PTPRM: variants seen among roughly 807,000 people sequenced by gnomAD.
PTPRM encodes receptor-type tyrosine-protein phosphatase mu.
PTPRM carries 47 observed loss-of-function variants against 186.7 expected under a neutral mutation model. The observed-to-expected ratio is 0.25, with a 90% CI of 0.20 to 0.32. PTPRM has a LOEUF of 0.32. PTPRM is among the 10% of genes least tolerant of loss of function. The pLI, the probability that PTPRM is intolerant of heterozygous loss-of-function variation, is 1.00. For synonymous variants in PTPRM, 668 were observed against 674.9 expected, an observed-to-expected ratio of 0.99 and a Z score of 0.16; for missense variants, 1,494 against 1,865.0, an observed-to-expected ratio of 0.80 and a Z score of 3.66.
intron 20 of PTPRM, among the ~76,000 whole-genome samples, chr18:8,300,586 A>G (rs2095146048): frequency 1.3e-5 from 2 of 150,862 alleles, no homozygotes; most frequent in Non-Finnish European, 2.9e-5. Context: ...CCTGCTCCTT[A>G]CTAGTGAGCA....
chr18:7,696,568 A>C (rs1027353251), intron 1 of PTPRM, among the ~76,000 whole-genome samples: 2 of 152,232 alleles, frequency 1.3e-5, no homozygotes, highest in African/African-American at 4.8e-5. Context: ...ACTTATGTGC[A>C]TTCTGAGTAT....
At chr18:7,916,299 G>A (rs1485952184) in intron 4 of PTPRM, among the ~76,000 whole-genome samples, 1 of 152,164 alleles carries the variant, frequency 6.6e-6, no homozygotes, top group East Asian at 1.9e-4. Context: ...GCGTACCATA[G>A]ATGAACACAC....
At chr18:8,126,055 A>G (rs2092355088) in intron 13 of PTPRM, among the ~76,000 whole-genome samples, 1 of 130,614 alleles carries the variant, frequency 7.7e-6, no homozygotes, top group Non-Finnish European at 1.6e-5. Context: ...TTTCCATTGC[A>G]AATAAAACAA....
At chr18:8,242,080 A>G (rs1324659394) in intron 14 of PTPRM, among the ~76,000 whole-genome samples, 1 of 152,220 alleles carries the variant, frequency 6.6e-6, no homozygotes, top group Non-Finnish European at 1.5e-5. Flanking sequence ...CAAGAAGCAC[A>G]GTACCTGTCA....
At chr18:8,010,045 T>C (rs1408001371) in intron 7 of PTPRM, among the ~76,000 whole-genome samples, 3 of 152,242 alleles carry the variant, frequency 2.0e-5, no homozygotes, top group African/African-American at 7.2e-5. Context: ...GTATTTCTTA[T>C]ATGTAAGTAT....
intron 13 of PTPRM, among the ~76,000 whole-genome samples, chr18:8,130,370 C>T (rs2092473038): frequency 6.6e-6 from 1 of 152,170 alleles, no homozygotes; most frequent in African/African-American, 2.4e-5. Context: ...CTCCATGAAA[C>T]CGCAAGGCCA....
chr18:8,125,199 G>C lies in PTPRM; in HGVS notation c.2167+10372G>C, dbSNP rs549246355. 3.1e-4 allele frequency among the ~76,000 whole-genome samples: 32 copies of C among 103,370 alleles called. 1 individual carries two copies. The East Asian group carries it at 8.9e-3, about 29-fold the overall frequency. 67.8% of individuals were successfully genotyped at this position (103,370 alleles called of 152,430 possible). A position where few individuals can be genotyped will look rare whatever the true frequency, so the allele number is the denominator to read the frequency against. ...CACTCCAGCCTGGGTGACAGAGTGAGACTCTGTCTCAAAAAAAAAAAAAAA... is the reference window on the plus strand; with the variant it reads ...CACTCCAGCCTGGGTGACAGAGTGACACTCTGTCTCAAAAAAAAAAAAAAA... On this transcript the variant is annotated intron_variant, in intron 13 of 32. Coordinates refer to ENST00000580170, the MANE Select transcript of PTPRM (RefSeq NM_001105244.2).
At chr18:8,344,942 A>G (rs2095497194) in intron 23 of PTPRM, among the ~76,000 whole-genome samples, 1 of 152,122 alleles carries the variant, frequency 6.6e-6, no homozygotes, top group African/African-American at 2.4e-5. Flanking sequence ...AAGGGAGAGG[A>G]GCACCAGCCA....
At chr18:8,032,353 A>G (rs1226169042) in intron 7 of PTPRM, among the ~76,000 whole-genome samples, 4 of 152,180 alleles carry the variant, frequency 2.6e-5, no homozygotes, top group African/African-American at 9.6e-5. Flanking sequence ...ACAGTCCAAC[A>G]TAACGTTTCC....
At chr18:7,955,586 G>T (rs1232138456) in intron 7 of PTPRM, among the ~76,000 whole-genome samples, 172 bp downstream of exon 7, 1 of 152,106 alleles carries the variant, frequency 6.6e-6, no homozygotes, top group Non-Finnish European at 1.5e-5. Context: ...TGAACTTGGG[G>T]ACCAGTAACC....
chr18:7,820,741 G>C (rs895386), intron 2 of PTPRM, among the ~76,000 whole-genome samples: 3,427 of 152,242 alleles, frequency 0.023, 120 homozygotes, highest in African/African-American at 0.078. Context: ...TGACTTCCCC[G>C]GAAAGCACCA....
At chr18:8,222,471 C>G (rs12607050) in intron 14 of PTPRM, among the ~76,000 whole-genome samples, 83,886 of 151,974 alleles carry the variant, frequency 0.55, 23,762 homozygotes, top group East Asian at 0.77. Flanking sequence ...CAAGATTTTA[C>G]AAAGTTTCCA....
intron 19 of PTPRM, among the ~76,000 whole-genome samples, chr18:8,258,726 TC>T (rs1329358406): frequency 1.3e-5 from 2 of 152,162 alleles, no homozygotes; most frequent in Non-Finnish European, 2.9e-5. Context: ...GAAGGCTACT[TC>T]CAGAGAGGAT....
intron 5 of PTPRM, among the ~76,000 whole-genome samples, chr18:7,931,282 T>C (rs1239185739): frequency 3.3e-5 from 5 of 152,206 alleles, no homozygotes; most frequent in African/African-American, 1.2e-4. Flanking sequence ...TGAGCCCACA[T>C]TTTGAAAATA....
chr18:8,353,947 C>T (rs2095549502), intron 23 of PTPRM, among the ~76,000 whole-genome samples: 1 of 152,178 alleles, frequency 6.6e-6, no homozygotes, highest in South Asian at 2.1e-4. Flanking sequence ...CGCAGTGGCT[C>T]ACACCTGTAA....
At chr18:8,320,202 A>AT (rs765904445) in intron 22 of PTPRM, among the ~76,000 whole-genome samples, 67 of 152,190 alleles carry the variant, frequency 4.4e-4, no homozygotes, top group Non-Finnish European at 5.1e-4. Context: ...AAGGTTAGGC[A>AT]TGGGGGCAGG....
chr18:8,259,499 C>T (rs1314420952), intron 19 of PTPRM, among the ~76,000 whole-genome samples: 1 of 145,770 alleles, frequency 6.9e-6, no homozygotes, highest in Non-Finnish European at 1.5e-5. Flanking sequence ...CCCCCCACCT[C>T]TTATCCTTCC....
chr18:8,014,617 T>C (rs146747534), intron 7 of PTPRM, among the ~76,000 whole-genome samples: 82 of 152,326 alleles, frequency 5.4e-4, no homozygotes, highest in African/African-American at 1.8e-3. Context: ...AGGAATAGTG[T>C]ACAAAATAGA....
chr18:8,046,912 G>A (rs1039337168), intron 7 of PTPRM, among the ~76,000 whole-genome samples: 6 of 152,018 alleles, frequency 3.9e-5, no homozygotes, highest in Non-Finnish European at 7.4e-5. Context: ...AGTGTTCCCC[G>A]CAACATCTGC....
Sources: gnomAD v4.1 joint callset for allele counts (sites outside exome capture counted in the v4.1 genomes callset) on GRCh38, gnomAD v4.1.1 for gene constraint, MANE v1.5 for transcripts, NCBI Gene and HGNC (gene_info 2026-07-23, HGNC 2026-07-21) for gene names.